Variants in NBEA observed in about 807,000 individuals in gnomAD.
NBEA encodes the protein lysosomal-trafficking regulator 2.
NBEA carries 44 observed loss-of-function variants against 343.4 expected under a neutral mutation model. That is an observed-to-expected ratio of 0.13 (90% CI 0.10 to 0.16). The LOEUF is 0.16. Ranked by LOEUF, NBEA falls within the 10% of genes least tolerant of loss-of-function variation. The probability of loss-of-function intolerance (pLI) is 1.00; values close to 1 mark genes in which losing one functional copy is unlikely to be tolerated. For synonymous variants in NBEA, 1,175 were observed against 1,238.7 expected (o/e 0.95, Z 1.08); for missense variants, 2,555 against 3,631.3 (o/e 0.70, Z 7.62).
At chr13:35,597,402 C>T (rs1342372768) in intron 47 of NBEA, among the ~76,000 whole-genome samples, 3 of 152,078 alleles carry the variant, frequency 2.0e-5, no homozygotes, top group Admixed American at 6.6e-5. Context: ...TAAAGAGAAG[C>T]TGATTAACAG....
chr13:35,203,627 A>G (rs2152747086), intron 31 of NBEA, among the ~76,000 whole-genome samples: 1 of 152,312 alleles, frequency 6.6e-6, no homozygotes, highest in South Asian at 2.1e-4. Context: ...GCAATGCTCA[A>G]TAAATATTTG....
At chr13:35,257,580 C>T (rs61947444) in intron 34 of NBEA, among the ~76,000 whole-genome samples, 15,463 of 152,028 alleles carry the variant, frequency 0.1, 1,011 homozygotes, top group African/African-American at 0.19. Flanking sequence ...ATAATATATA[C>T]AACATGATGG....
chr13:35,563,134 G>GATAGATAGATAGAT (rs1375762463), intron 44 of NBEA, among the ~76,000 whole-genome samples: 2 of 56,814 alleles, frequency 3.5e-5, no homozygotes, highest in Non-Finnish European at 6.5e-5. Flanking sequence ...TGTGTGTGGA[G>GATAGATAGATAGAT]ATAGATAGAT....
intron 1 of NBEA, among the ~76,000 whole-genome samples, chr13:35,026,715 G>C (rs1221568133): frequency 4.6e-5 from 7 of 151,970 alleles, no homozygotes; most frequent in Non-Finnish European, 1.0e-4. Context: ...GCCAGACATA[G>C]TTTTAAATTT....
intron 18 of NBEA, among the ~76,000 whole-genome samples, chr13:35,145,516 C>T (rs753328188): frequency 6.6e-6 from 1 of 152,166 alleles, no homozygotes; most frequent in Non-Finnish European, 1.5e-5. Flanking sequence ...CACATATTGG[C>T]GTGTGGCTTC....
At chr13:35,220,398 G>T (rs2074298871) in intron 33 of NBEA, among the ~76,000 whole-genome samples, 1 of 152,050 alleles carries the variant, frequency 6.6e-6, no homozygotes, top group African/African-American at 2.4e-5. Context: ...GTGCAGGTTT[G>T]CCTGTCATGA....
At chr13:34,966,348 C>T (rs544344604) in intron 1 of NBEA, among the ~76,000 whole-genome samples, 150 of 152,040 alleles carry the variant, frequency 9.9e-4, no homozygotes, top group African/African-American at 3.4e-3. Flanking sequence ...TCTTCTGTAG[C>T]GAAGTATGTA....
intron 39 of NBEA, among the ~76,000 whole-genome samples, chr13:35,450,332 A>C (rs180928225): frequency 6.3e-4 from 95 of 151,908 alleles, no homozygotes; most frequent in African/African-American, 2.3e-3. Flanking sequence ...AATAACAATA[A>C]AAAAAATAGC....
intron 49 of NBEA, among the ~76,000 whole-genome samples, chr13:35,640,477 G>A (rs1176161583): frequency 6.6e-6 from 1 of 152,164 alleles, no homozygotes; most frequent in African/African-American, 2.4e-5. Flanking sequence ...TTTGTACAGG[G>A]CATAAACAGC....
At chr13:35,643,619 A>G (rs2084075314) in intron 49 of NBEA, among the ~76,000 whole-genome samples, 1 of 152,176 alleles carries the variant, frequency 6.6e-6, no homozygotes, top group South Asian at 2.1e-4. Flanking sequence ...AGACATACAT[A>G]AATAATTGTG....
At chr13:35,452,858 A>G (rs1313780887) in intron 40 of NBEA, among the ~76,000 whole-genome samples, 1 of 152,204 alleles carries the variant, frequency 6.6e-6, no homozygotes, top group Non-Finnish European at 1.5e-5. Context: ...AGCCACTTTG[A>G]GAATCTGATG....
chr13:35,111,966 GA>G (rs1210635434), intron 13 of NBEA, among the ~76,000 whole-genome samples: 4 of 145,674 alleles, frequency 2.7e-5, no homozygotes, highest in Non-Finnish European at 6.0e-5. Flanking sequence ...ACCCAGGCTG[GA>G]GTGCAGTGGT....
intron 34 of NBEA, among the ~76,000 whole-genome samples, chr13:35,237,422 C>T (rs2075288903): frequency 6.6e-6 from 1 of 152,208 alleles, no homozygotes; most frequent in Non-Finnish European, 1.5e-5. Flanking sequence ...CATTCTTGAG[C>T]ATGTACTCTT....
chr13:35,481,632 G>A (rs1263691665), intron 41 of NBEA, among the ~76,000 whole-genome samples: 1 of 151,768 alleles, frequency 6.6e-6, no homozygotes, highest in African/African-American at 2.4e-5. Context: ...AAACCCTTCA[G>A]AAAGTTACTA....
intron 1 of NBEA, among the ~76,000 whole-genome samples, chr13:34,993,465 A>G (rs541776701): frequency 1.3e-5 from 2 of 152,360 alleles, no homozygotes; most frequent in African/African-American, 2.4e-5. Context: ...TAGATGCTCA[A>G]TAAATGCTGG....
chr13:35,060,149 T>C (rs540967263), intron 8 of NBEA, among the ~76,000 whole-genome samples: 44 of 151,770 alleles, frequency 2.9e-4, no homozygotes, highest in Non-Finnish European at 1.3e-4. Flanking sequence ...TCTAATAGAA[T>C]GATATTAAAT....
chr13:35,440,038 C>T (rs563244192), intron 39 of NBEA, among the ~76,000 whole-genome samples: 3 of 152,256 alleles, frequency 2.0e-5, no homozygotes, highest in South Asian at 2.1e-4. Context: ...CGCCACCACG[C>T]GCAGCTAATT....
At chr13:35,242,276 T>A (rs145608190) in intron 34 of NBEA, among the ~76,000 whole-genome samples, 44 of 151,688 alleles carry the variant, frequency 2.9e-4, no homozygotes, top group African/African-American at 1.0e-3. Context: ...AATTAAAAAA[T>A]TCATTATTAG....
chr13:34,976,734 A>G (rs2060191442), intron 1 of NBEA, among the ~76,000 whole-genome samples: 1 of 151,134 alleles, frequency 6.6e-6, no homozygotes, highest in South Asian at 2.1e-4. Context: ...TGAAAATCTA[A>G]GGTGAGGCCT....
Sources: allele counts gnomAD v4.1 joint callset (sites outside exome capture counted in the v4.1 genomes callset), GRCh38; gene constraint gnomAD v4.1.1; transcripts MANE v1.5; gene names NCBI Gene and HGNC (gene_info 2026-07-23, HGNC 2026-07-21).